Variants in GPC5 observed in about 807,000 individuals in gnomAD.
The protein encoded by GPC5 is glypican-5.
In GPC5, 47 loss-of-function variants were observed where a neutral mutation model predicts 53.9. That is an observed-to-expected ratio of 0.87 (90% CI 0.69 to 1.11). The LOEUF (loss-of-function observed/expected upper bound fraction) is 1.11, where lower values mean the gene tolerates loss of function less well. GPC5 is among the 50% of genes most tolerant of loss of function. The pLI is 0.00. For synonymous variants in GPC5, 286 were observed against 263.3 expected (o/e 1.09, Z -0.84); for missense variants, 748 against 713.1 (o/e 1.05, Z -0.56).
At chr13:91,768,564 A>T (rs1314822973) in intron 5 of GPC5, among the ~76,000 whole-genome samples, 2 of 152,218 alleles carry the variant, frequency 1.3e-5, no homozygotes, top group Admixed American at 6.5e-5. Context: ...CAGAGTAGTC[A>T]TGAAGAAATG....
At chr13:92,481,078 A>T (rs559511930) in intron 7 of GPC5, among the ~76,000 whole-genome samples, 1 of 151,364 alleles carries the variant, frequency 6.6e-6, no homozygotes, top group South Asian at 2.1e-4. Flanking sequence ...CCAGAACTGT[A>T]AGATCACTAA....
intron 1 of GPC5, among the ~76,000 whole-genome samples, chr13:91,422,698 G>T (rs1315559405): frequency 6.6e-6 from 1 of 152,032 alleles, no homozygotes; most frequent in Non-Finnish European, 1.5e-5. Flanking sequence ...AGCTTGAGGG[G>T]CTGCATCTGG....
At chr13:92,636,492 C>T (rs117395302) in intron 7 of GPC5, among the ~76,000 whole-genome samples, 2,134 of 152,222 alleles carry the variant, frequency 0.014, 18 homozygotes, top group Non-Finnish European at 0.023. Context: ...TTTAGCAGTT[C>T]CCTCCTTGCT....
intron 2 of GPC5, among the ~76,000 whole-genome samples, chr13:91,614,484 A>G (rs948573698): frequency 4.6e-5 from 7 of 151,948 alleles, no homozygotes; most frequent in Non-Finnish European, 1.0e-4. Context: ...GGTGCACACT[A>G]CTGTGCTTGG....
At chr13:91,707,847 A>G (rs1227649378) in intron 3 of GPC5, among the ~76,000 whole-genome samples, 1 of 152,182 alleles carries the variant, frequency 6.6e-6, no homozygotes, top group Non-Finnish European at 1.5e-5. Context: ...TCCACAAAAA[A>G]AATACATAGA....
chr13:92,027,094 T>C (rs1196785022), intron 6 of GPC5, among the ~76,000 whole-genome samples: 1 of 152,218 alleles, frequency 6.6e-6, no homozygotes, highest in Non-Finnish European at 1.5e-5. Flanking sequence ...AAGTCTTTGT[T>C]GAAATCATAA....
At chr13:92,584,531 G>A (rs575462540) in intron 7 of GPC5, among the ~76,000 whole-genome samples, 1 of 152,130 alleles carries the variant, frequency 6.6e-6, no homozygotes, top group Non-Finnish European at 1.5e-5. Context: ...AAGGGAAGCA[G>A]AACATAAAAG....
intron 7 of GPC5, among the ~76,000 whole-genome samples, chr13:92,323,221 T>C (rs2043227465): frequency 6.6e-6 from 1 of 151,200 alleles, no homozygotes; most frequent in Non-Finnish European, 1.5e-5. Flanking sequence ...GTATTTTCGG[T>C]ACTTAGGGAA....
chr13:92,562,543 CTCTG>C (rs1359495598), intron 7 of GPC5, among the ~76,000 whole-genome samples: 1 of 152,064 alleles, frequency 6.6e-6, no homozygotes, highest in Non-Finnish European at 1.5e-5. Flanking sequence ...CTCTGAAATA[CTCTG>C]TCTGTTAATA....
At chr13:92,152,738 CAAA>C (rs11285676) in intron 7 of GPC5, among the ~76,000 whole-genome samples, 1,293 of 107,006 alleles carry the variant, frequency 0.012, 20 homozygotes, top group African/African-American at 0.039. Context: ...GACTCCATCT[CAAA>C]AAAAAAAAAA....
intron 7 of GPC5, among the ~76,000 whole-genome samples, chr13:92,663,576 A>AAT (rs371066796): frequency 0.3 from 40,576 of 133,978 alleles, 7,392 homozygotes; most frequent in Non-Finnish European, 0.42. Flanking sequence ...GTTTCTACTA[A>AAT]ATATATATAT....
chr13:92,005,748 T>A (rs1396415448), intron 6 of GPC5, among the ~76,000 whole-genome samples: 1 of 152,194 alleles, frequency 6.6e-6, no homozygotes, highest in Non-Finnish European at 1.5e-5. Context: ...TAATTAGTGA[T>A]CAACAAATAT....
intron 6 of GPC5, among the ~76,000 whole-genome samples, chr13:92,009,061 T>C (rs989332153): frequency 5.9e-5 from 9 of 152,170 alleles, no homozygotes; most frequent in Admixed American, 3.3e-4. Flanking sequence ...TTATTTTATG[T>C]TTTCCTTTAA....
At chr13:91,815,171 G>C (rs2038380764) in intron 5 of GPC5, among the ~76,000 whole-genome samples, 1 of 151,992 alleles carries the variant, frequency 6.6e-6, no homozygotes, top group Non-Finnish European at 1.5e-5. Context: ...TTTAAAATTA[G>C]CTTGGGCAAT....
At chr13:92,100,976 A>C (rs2041462098) in intron 6 of GPC5, among the ~76,000 whole-genome samples, 1 of 152,170 alleles carries the variant, frequency 6.6e-6, no homozygotes, top group Non-Finnish European at 1.5e-5. Flanking sequence ...GTAAAATAAT[A>C]TCTCTTGAAA....
chr13:92,062,534 G>C (rs1019533788), intron 6 of GPC5, among the ~76,000 whole-genome samples: 1 of 151,894 alleles, frequency 6.6e-6, no homozygotes, highest in Non-Finnish European at 1.5e-5. Flanking sequence ...GAAAGTTCAA[G>C]TTTTATTCTA....
chr13:92,266,764 TTAAA>T (rs1382989514), intron 7 of GPC5, among the ~76,000 whole-genome samples: 1 of 152,200 alleles, frequency 6.6e-6, no homozygotes, highest in Non-Finnish European at 1.5e-5. Context: ...TTCCCATAAA[TTAAA>T]TGTCATTTTA....
At chr13:92,033,036 C>CTGTGT (rs1491249102) in intron 6 of GPC5, among the ~76,000 whole-genome samples, 2 of 138,992 alleles carry the variant, frequency 1.4e-5, no homozygotes, top group African/African-American at 5.5e-5. Flanking sequence ...TAGTTATTGT[C>CTGTGT]GTGTGTGTGT....
At chr13:92,234,307 C>T (rs937040352) in intron 7 of GPC5, among the ~76,000 whole-genome samples, 2 of 152,160 alleles carry the variant, frequency 1.3e-5, no homozygotes, top group African/African-American at 4.8e-5. Context: ...TCTCCACATC[C>T]TCTCCAGCAC....
Sources: gnomAD v4.1 joint callset for allele counts (sites outside exome capture counted in the v4.1 genomes callset) on GRCh38, gnomAD v4.1.1 for gene constraint, MANE v1.5 for transcripts, NCBI Gene and HGNC (gene_info 2026-07-23, HGNC 2026-07-21) for gene names.